Variants in PLCG2 observed in about 807,000 individuals in gnomAD.
PLCG2 encodes phospholipase C gamma 2.
In PLCG2, 69 loss-of-function variants were observed where a neutral mutation model predicts 175.6. The ratio of observed to expected loss-of-function variants is 0.39; its 90% confidence interval spans 0.32 to 0.48. The LOEUF (loss-of-function observed/expected upper bound fraction) is 0.48. Among genes scored for constraint, PLCG2 ranks in the 20% least tolerant of loss-of-function variants. PLCG2 has a pLI of 0.91. For synonymous variants in PLCG2, 827 were observed against 624.0 expected (o/e 1.33, Z -4.85); for missense variants, 1,798 against 1,650.9 (o/e 1.09, Z -1.54).
chr16:81,941,313 G>A (rs1031958981), intron 30 of PLCG2, among the ~76,000 whole-genome samples: 7 of 152,316 alleles, frequency 4.6e-5, no homozygotes, highest in African/African-American at 1.7e-4. Flanking sequence ...TTGCACCACT[G>A]CACTCCAGCC....
intron 23 of PLCG2, among the ~76,000 whole-genome samples, chr16:81,928,290 T>G (rs1230377074): frequency 6.6e-6 from 1 of 152,114 alleles, no homozygotes; most frequent in African/African-American, 2.4e-5. Flanking sequence ...TGAGGAAGCA[T>G]TATGAAACCT....
intron 31 of PLCG2, among the ~76,000 whole-genome samples, chr16:81,954,493 C>G (rs1286408781): frequency 6.6e-6 from 1 of 152,282 alleles, no homozygotes; most frequent in Non-Finnish European, 1.5e-5. Flanking sequence ...GTCCCACATG[C>G]ATTCCCCATC....
chr16:81,817,583 C>A (rs971445805), intron 2 of PLCG2, among the ~76,000 whole-genome samples: 13 of 152,296 alleles, frequency 8.5e-5, no homozygotes, highest in African/African-American at 2.9e-4. Context: ...ACCTGGCCTT[C>A]CAGAAGATGA....
At chr16:81,793,176 G>A (rs1385977624) in intron 2 of PLCG2, among the ~76,000 whole-genome samples, 1 of 152,200 alleles carries the variant, frequency 6.6e-6, no homozygotes, top group African/African-American at 2.4e-5. Flanking sequence ...CTTTCCAGGG[G>A]TGTTGGATAA....
Position 81,936,254 on chromosome 16 carries a change from G to T in PLCG2, c.2928G>T (p.Lys976Asn), listed in dbSNP as rs760494419. 2 of 1,614,040 alleles carry T rather than the reference G, an allele frequency of 1.2e-6. No individual in the cohort carries two copies. Among genetic ancestry groups the T allele is most frequent in the African/African-American group, 2.7e-5 (2 of 74,904 alleles). Residue 976 changes from lysine (K) to asparagine (N), a missense_variant, in exon 27 of 33, where the codon AAG (lysine) becomes AAT (asparagine). Physicochemically the swap from Lys to Asn is moderately conservative, Grantham distance 94. Transcript: ENST00000564138. The part of the protein sequence containing the change: ...IIRQKPVDLL[K>N]YNQKGLTRVY... ...GACAGAAGCCCGTCGACCTCCTGAA[G>T]TACAATCAAAAGGGCCTGACCCGCG...
chr16:81,762,751 G>C (rs903894898), intron 2 of PLCG2, among the ~76,000 whole-genome samples: 1 of 152,102 alleles, frequency 6.6e-6, no homozygotes, highest in Non-Finnish European at 1.5e-5. Flanking sequence ...AAGTCCCCAA[G>C]GCTGGCTGAT....
intron 2 of PLCG2, among the ~76,000 whole-genome samples, chr16:81,791,775 G>C (rs1314977510): frequency 6.6e-6 from 1 of 152,154 alleles, no homozygotes; most frequent in East Asian, 1.9e-4. Context: ...ATGTTGGCCA[G>C]GCTGGTCTTG....
intron 2 of PLCG2, among the ~76,000 whole-genome samples, chr16:81,764,294 C>T (rs541931321): frequency 6.6e-6 from 1 of 151,924 alleles, no homozygotes; most frequent in Admixed American, 6.6e-5. Flanking sequence ...GAGATCCTGT[C>T]TCAAAATAAA....
At position 81,854,592 on chromosome 16, in the gene PLCG2, G is replaced by C; in HGVS notation, c.337+5G>C. The C allele has an allele frequency of 1.9e-6, 3 of 1,612,890 alleles. No individual in the cohort carries two copies. The highest frequency in any genetic ancestry group is 2.5e-6 in the Non-Finnish European group (3 of 1,179,000). ...TCAGCACGCTCAGCTTGGCAGGTAG[G>C]TGCATGTTTCTGTGCCTTTCTCCTT... is the stretch of plus-strand genomic sequence containing the variant. On this transcript the variant is annotated splice_donor_5th_base_variant and intron_variant, in intron 3 of 32. Coordinates refer to ENST00000564138, the MANE Select transcript of PLCG2 (RefSeq NM_002661.5).
chr16:81,845,687 G>A (rs950243784), intron 2 of PLCG2, among the ~76,000 whole-genome samples: 2 of 152,202 alleles, frequency 1.3e-5, no homozygotes, highest in African/African-American at 2.4e-5. Context: ...GGGCCTGACC[G>A]CTCTCTGTGC....
chr16:81,898,416 G>A (rs563588886), intron 13 of PLCG2: 1 of 152,470 alleles, frequency 6.6e-6, no homozygotes, highest in African/African-American at 2.4e-5. Flanking sequence ...CTTTTTAGCT[G>A]TTATGTTCTA....
chr16:81,921,760 C>A, intron 21 of PLCG2: 1 of 244,540 alleles, frequency 4.1e-6, no homozygotes, highest in Non-Finnish European at 8.0e-6. Flanking sequence ...AGAGGAAGAA[C>A]CACAGCGAAT....
chr16:81,936,324 T>C lies in PLCG2; in HGVS notation c.2998T>C (p.Phe1000Leu). The C allele has an allele frequency of 6.2e-7, 1 of 1,614,230 alleles. No individual in the cohort carries two copies. Among genetic ancestry groups the C allele is most frequent in the African/African-American group, 1.3e-5 (1 of 75,056 alleles). Residue 1000 changes from phenylalanine to leucine, a missense_variant, in exon 27 of 33, where the codon TTC (phenylalanine) becomes CTC (leucine). By Grantham distance (22) the Phe-to-Leu change is conservative (BLOSUM62 0). Transcript: ENST00000564138. The part of the protein sequence containing the change: ...QRVDSSNYDP[F>L]RLWLCGSQMV... ...AGTTGACTCTTCAAACTACGACCCC[T>C]TCCGCCTCTGGCTGTGCGGTTCTCA...
intron 1 of PLCG2, among the ~76,000 whole-genome samples, chr16:81,752,248 T>C (rs1422351198): frequency 6.6e-6 from 1 of 151,948 alleles, no homozygotes; most frequent in African/African-American, 2.4e-5. Context: ...CTAGGGTGTT[T>C]TTAGAATATC....
chr16:81,925,286 A>T (rs1029097316), intron 22 of PLCG2, among the ~76,000 whole-genome samples: 5 of 152,092 alleles, frequency 3.3e-5, no homozygotes, highest in African/African-American at 1.2e-4. Context: ...TTTTTTGCAT[A>T]CTTCCAAACT....
At chr16:81,872,837 G>C (rs959325284) in intron 7 of PLCG2, among the ~76,000 whole-genome samples, 2 of 152,238 alleles carry the variant, frequency 1.3e-5, no homozygotes, top group African/African-American at 4.8e-5. Context: ...TGGGAGTTGT[G>C]AAGACAGGCA....
At chr16:81,789,279 C>G (rs912858885) in intron 2 of PLCG2, among the ~76,000 whole-genome samples, 6 of 152,210 alleles carry the variant, frequency 3.9e-5, no homozygotes, top group Admixed American at 3.9e-4. Context: ...CACTCGCTTA[C>G]GCGGATGCGC....
chr16:81,871,230 A>G (rs1056745771), intron 7 of PLCG2, among the ~76,000 whole-genome samples: 1 of 152,160 alleles, frequency 6.6e-6, no homozygotes, highest in Non-Finnish European at 1.5e-5. Context: ...AAAAAGTGCA[A>G]CTCACTCTAC....
At chr16:81,776,116 T>TCTTTC (rs55769150), upstream of PLCG2, among the ~76,000 whole-genome samples, 31 of 44,064 alleles carry the variant, frequency 7.0e-4, no homozygotes, top group South Asian at 2.8e-3. Flanking sequence ...CTTCTTTCTT[T>TCTTTC]TTTGTTTTTT....
Sources: gnomAD v4.1 joint callset for allele counts (sites outside exome capture counted in the v4.1 genomes callset) on GRCh38, gnomAD v4.1.1 for gene constraint, MANE v1.5 for transcripts, NCBI Gene and HGNC (gene_info 2026-07-23, HGNC 2026-07-21) for gene names.